The following FMNL2 variants were observed in gnomAD, a reference collection of about 807,000 sequenced individuals.
FMNL2 encodes the protein formin-like protein 2.
FMNL2 carries 51 observed loss-of-function variants against 130.2 expected under a neutral mutation model. That is an observed-to-expected ratio of 0.39 (90% CI 0.31 to 0.49). The LOEUF (loss-of-function observed/expected upper bound fraction) is 0.49. Ranked by LOEUF, FMNL2 falls within the 20% of genes least tolerant of loss-of-function variation. The pLI, the probability that FMNL2 is intolerant of heterozygous loss-of-function variation, is 0.85. For synonymous variants in FMNL2, 465 were observed against 467.1 expected (o/e 1.00, Z 0.06); for missense variants, 977 against 1,316.2 (o/e 0.74, Z 3.99).
rs1158391663 is a variant in FMNL2, at chr2:152,590,980, C to CTT, written c.876+9974_876+9975dup. ...CAGAGTTAGATTTTCCCTCTGATAA[C>CTT]TTTTTTTTTTTTTTTTTTTTTTTTT... On this transcript the variant is annotated intron_variant, in intron 9 of 25. Coordinates refer to ENST00000288670, the MANE Select transcript of FMNL2 (RefSeq NM_052905.4). 2.7e-4 allele frequency among the ~76,000 whole-genome samples: 18 copies of CTT among 65,784 alleles called. 1 individual carries two copies. Among genetic ancestry groups the CTT allele is most frequent in the South Asian group, 6.7e-4 (1 of 1,496 alleles). The allele number at this position is 65,784 out of a possible 152,430, so 43.2% of individuals were successfully genotyped here.
chr2:152,438,099 A>C (rs1687861106), intron 1 of FMNL2, among the ~76,000 whole-genome samples: 1 of 152,266 alleles, frequency 6.6e-6, no homozygotes, highest in South Asian at 2.1e-4. Context: ...CAGAATGCCC[A>C]AATGTTAGCA....
chr2:152,402,372 G>C (rs1362936759), intron 1 of FMNL2, among the ~76,000 whole-genome samples: 1 of 152,136 alleles, frequency 6.6e-6, no homozygotes, highest in East Asian at 1.9e-4. Context: ...CTGTTTTTGG[G>C]GAGCGGGCTC....
intron 9 of FMNL2, 42 bp from the exon 10 acceptor site, chr2:152,607,297 A>C (rs753459066): frequency 1.3e-6 from 2 of 1,539,676 alleles, no homozygotes; most frequent in African/African-American, 2.7e-5. Flanking sequence ...TGGAATGTTT[A>C]TGTTTAGAAA....
chr2:152,528,033 A>G (rs957405698), intron 2 of FMNL2, among the ~76,000 whole-genome samples: 2 of 152,182 alleles, frequency 1.3e-5, no homozygotes, highest in African/African-American at 4.8e-5. Context: ...TATGGATTCA[A>G]TATTTTCAAA....
intron 1 of FMNL2, among the ~76,000 whole-genome samples, chr2:152,423,470 A>C (rs971796178): frequency 6.6e-6 from 1 of 152,202 alleles, no homozygotes; most frequent in African/African-American, 2.4e-5. Flanking sequence ...GAATGGGGGA[A>C]GCAGTAGCTA....
At chr2:152,456,711 AGGG>A (rs1014851358) in intron 1 of FMNL2, among the ~76,000 whole-genome samples, 1 of 151,998 alleles carries the variant, frequency 6.6e-6, no homozygotes, top group Non-Finnish European at 1.5e-5. Flanking sequence ...TAGGAGACTG[AGGG>A]GGGCGAATCA....
chr2:152,629,651 T>A lies in FMNL2; in HGVS notation c.2401-5T>A. On this transcript the variant is annotated splice_region_variant and splice_polypyrimidine_tract_variant and intron_variant, in intron 18 of 25. Coordinates refer to ENST00000288670, the MANE Select transcript of FMNL2 (RefSeq NM_052905.4). The stretch of plus-strand genomic sequence containing the variant: ...CCCCTTTTTCTTTCTTTGATTGGAA[T>A]CTAGCAACTACATGCGATTATAGCA... The A allele has an allele frequency of 1.9e-6, 3 of 1,591,110 alleles. No individual in the cohort carries two copies. Among genetic ancestry groups the A allele is most frequent in the Non-Finnish European group, 2.6e-6 (3 of 1,167,930 alleles).
At chr2:152,625,184 G>GA (rs923340067) in intron 15 of FMNL2, 5,102 of 337,830 alleles carry the variant, frequency 0.015, no homozygotes, top group Middle Eastern at 0.021. Context: ...TGAGTTAAAA[G>GA]AAAAAAAAAA....
intron 1 of FMNL2, chr2:152,390,235 T>C (rs1685031845): frequency 2.1e-6 from 3 of 1,455,000 alleles, no homozygotes; most frequent in Admixed American, 1.7e-5. Flanking sequence ...AAGGACATGG[T>C]GGTGGACATC....
chr2:152,345,661 T>A (rs1259631090), intron 1 of FMNL2, among the ~76,000 whole-genome samples: 1 of 152,236 alleles, frequency 6.6e-6, no homozygotes, highest in Non-Finnish European at 1.5e-5. Flanking sequence ...GGGTTCTTTA[T>A]TCCCAAGGAC....
chr2:152,543,729 C>CAAAAAAAA lies in FMNL2; in HGVS notation c.282+923_282+930dup, dbSNP rs71394490. Among the ~76,000 whole-genome samples, 31 of 61,378 alleles carry CAAAAAAAA rather than the reference C, an allele frequency of 5.1e-4. 2 individuals carry two copies. The highest frequency in any genetic ancestry group is 2.4e-3 in the South Asian group (3 of 1,266). 40.3% of individuals were successfully genotyped at this position (61,378 alleles called of 152,430 possible). A position where few individuals can be genotyped will look rare whatever the true frequency, so the allele number is the denominator to read the frequency against. On this transcript the variant is annotated intron_variant, in intron 3 of 25. Coordinates refer to ENST00000288670, the MANE Select transcript of FMNL2 (RefSeq NM_052905.4). Reference sequence around the variant, plus strand: ...CTCCCCTCACCGCCCACCCCCCGACCAAAAAAAAAAAAAAAAAAAAGTCCA... The same window carrying CAAAAAAAA: ...CTCCCCTCACCGCCCACCCCCCGACCAAAAAAAAAAAAAAAAAAAAAAAAAAAAGTCCA...
chr2:152,619,103 AC>A lies in FMNL2; in HGVS notation c.1575del (p.Leu526CysfsTer23). 6.2e-7 allele frequency: 1 copy of A among 1,604,294 alleles called. No homozygotes were observed. The highest frequency in any genetic ancestry group is 8.5e-7 in the Non-Finnish European group (1 of 1,173,968). Reference sequence around the variant, plus strand: ...CCACAATGGGGGCCGCTTCCTCAGGACCCTTGCCCCCTCCTCCACCACCACT... The same window carrying A: ...CCACAATGGGGGCCGCTTCCTCAGGACCTTGCCCCCTCCTCCACCACCACT... ...GPTMGAASSG[P>X]LPPPPPPLPP... On this transcript the variant is annotated frameshift_variant, in exon 14 of 26. Coordinates refer to ENST00000288670, the MANE Select transcript of FMNL2 (RefSeq NM_052905.4). LOFTEE classifies it high-confidence loss of function.
intron 1 of FMNL2, among the ~76,000 whole-genome samples, chr2:152,481,698 G>A (rs1400297849): frequency 6.6e-6 from 1 of 152,248 alleles, no homozygotes; most frequent in Non-Finnish European, 1.5e-5. Context: ...TTTGTTTTAC[G>A]TGTAGGATTG....
intron 11 of FMNL2, among the ~76,000 whole-genome samples, chr2:152,614,532 CAGG>C (rs1346067357): frequency 6.6e-6 from 1 of 152,166 alleles, no homozygotes; most frequent in Non-Finnish European, 1.5e-5. Flanking sequence ...ATCACGAGGT[CAGG>C]AGATCGAGAC....
chr2:152,452,765 C>CCGATGGGGAGGGCTGT (rs539275332), intron 1 of FMNL2, among the ~76,000 whole-genome samples: 4,645 of 147,422 alleles, frequency 0.032, 155 homozygotes, highest in Non-Finnish European at 0.049. Flanking sequence ...TGTCGAGGGC[C>CCGATGGGGAGGGCTGT]CGATGGGGAG....
intron 1 of FMNL2, among the ~76,000 whole-genome samples, chr2:152,426,426 T>G (rs1461057545): frequency 6.6e-6 from 1 of 152,220 alleles, no homozygotes; most frequent in Non-Finnish European, 1.5e-5. Context: ...TTGCTTAGAG[T>G]TTTGTTCCAA....
At chr2:152,451,954 C>G (rs1247312578) in intron 1 of FMNL2, among the ~76,000 whole-genome samples, 6 of 152,134 alleles carry the variant, frequency 3.9e-5, no homozygotes, top group Admixed American at 2.0e-4. Context: ...TTTCCCCAAA[C>G]CCGAAAGAAC....
intron 4 of FMNL2, among the ~76,000 whole-genome samples, chr2:152,550,179 G>A (rs1683179903): frequency 6.6e-6 from 1 of 152,114 alleles, no homozygotes; most frequent in African/African-American, 2.4e-5. Context: ...TTATTATGTA[G>A]ATAAAAGTTT....
Position 152,542,021 on chromosome 2 carries a change from T to A in FMNL2, c.202-718T>A, listed in dbSNP as rs192324506. 2.0e-5 allele frequency among the ~76,000 whole-genome samples: 3 copies of A among 152,292 alleles called. No homozygotes were observed. In the East Asian group the frequency reaches 5.8e-4, roughly 29 times the overall value. ...GGTTCCTCTTTTGGCAGCATTAGCA[T>A]AAAACGTGTTAGAAATGTTGATTCT... On this transcript the variant is annotated intron_variant, in intron 2 of 25. Coordinates refer to ENST00000288670, the MANE Select transcript of FMNL2 (RefSeq NM_052905.4).
Sources: allele counts gnomAD v4.1 joint callset (sites outside exome capture counted in the v4.1 genomes callset), GRCh38; gene constraint gnomAD v4.1.1; transcripts MANE v1.5; gene names NCBI Gene and HGNC (gene_info 2026-07-23, HGNC 2026-07-21).